Variants in GBE1 observed in about 807,000 individuals in gnomAD.
The protein encoded by GBE1 is 1,4-alpha-glucan-branching enzyme.
A neutral mutation model predicts 88.8 loss-of-function variants in GBE1; 70 were observed. The ratio of observed to expected loss-of-function variants is 0.79; its 90% CI spans 0.65 to 0.96. GBE1 has a LOEUF of 0.96. Among genes scored for constraint, GBE1 ranks in the 40% least tolerant of loss-of-function variants. The pLI is 0.00. For missense variants in GBE1, 872 were observed against 871.0 expected (o/e 1.00, Z -0.01); for synonymous variants, 284 against 300.1 (o/e 0.95, Z 0.56).
chr3:81,752,596 A>G (rs1706545144), intron 1 of GBE1, among the ~76,000 whole-genome samples: 1 of 152,200 alleles, frequency 6.6e-6, no homozygotes, highest in South Asian at 2.1e-4. Flanking sequence ...CCCAGGACTC[A>G]TCTTGCCTTC....
At chr3:81,707,193 T>C (rs1705789794) in intron 1 of GBE1, among the ~76,000 whole-genome samples, 1 of 151,764 alleles carries the variant, frequency 6.6e-6, no homozygotes, top group South Asian at 2.1e-4. Flanking sequence ...CAACTGAAAT[T>C]CAAAAGATAA....
At chr3:81,540,947 C>G (rs1703135809) in intron 12 of GBE1, among the ~76,000 whole-genome samples, 1 of 151,952 alleles carries the variant, frequency 6.6e-6, no homozygotes, top group South Asian at 2.1e-4. Context: ...ATTTTAGGCA[C>G]TATCTAAAAG....
At chr3:81,564,449 G>A (rs539083248) in intron 12 of GBE1, among the ~76,000 whole-genome samples, 37 of 152,182 alleles carry the variant, frequency 2.4e-4, no homozygotes, top group East Asian at 3.9e-4. Flanking sequence ...CAGTATTTCC[G>A]GGGCATCCTA....
rs1422638585 is a variant in GBE1 at position 81,761,630 on chromosome 3, G to A, written c.-113C>T. The A allele has an allele frequency of 2.2e-6, 3 of 1,357,436 alleles. No homozygotes were observed. Among genetic ancestry groups the A allele is most frequent in the Non-Finnish European group, 3.0e-6 (3 of 1,014,394 alleles). The allele number at this position is 1,357,436 out of a possible 1,614,324, so 84.1% of individuals were successfully genotyped here. A position where few individuals can be genotyped will look rare whatever the true frequency, so the allele number is the denominator to read the frequency against. ...GGGCGGAGCCGGAGGGCGCCTAGGCGTGTCGAGGCAAGCCGAGGCGAGCCG... is the reference window on the plus strand; with the variant it reads ...GGGCGGAGCCGGAGGGCGCCTAGGCATGTCGAGGCAAGCCGAGGCGAGCCG... On this transcript the variant is annotated 5_prime_UTR_variant, in exon 1 of 16. In the 5' UTR this introduces an upstream ATG that the reference lacks. Transcript: ENST00000429644.
At chr3:81,700,327 C>T (rs186231494) in intron 2 of GBE1, among the ~76,000 whole-genome samples, 9 of 152,214 alleles carry the variant, frequency 5.9e-5, no homozygotes, top group African/African-American at 2.2e-4. Flanking sequence ...CGCTAATTTT[C>T]GTATCAGTGT....
rs1553689272 is a variant in GBE1 at position 81,657,144 on chromosome 3, A to AC, written c.430-7224_430-7223insG. ...GCACTCCAGCCGTCTCAAAAAAAAA[A>AC]AAAACAAAACAAAAAAAAACAATAA... On this transcript the variant is annotated intron_variant, in intron 3 of 15. Transcript: ENST00000429644. Among the ~76,000 whole-genome samples, 228 of 151,356 alleles carry AC rather than the reference A, an allele frequency of 1.5e-3. 3 individuals are homozygous for AC. Among genetic ancestry groups the AC allele is most frequent in the African/African-American group, 4.9e-3 (203 of 41,086 alleles).
intron 4 of GBE1, 117 bp downstream of exon 4, chr3:81,649,679 A>C (rs1704817147): frequency 1.3e-6 from 1 of 749,250 alleles, no homozygotes; most frequent in Admixed American, 3.1e-5. Flanking sequence ...ATGATGTAAA[A>C]TACGCAACTG....
At chr3:81,741,744 A>G (rs1706351188) in intron 1 of GBE1, among the ~76,000 whole-genome samples, 1 of 150,186 alleles carries the variant, frequency 6.7e-6, no homozygotes, top group Non-Finnish European at 1.5e-5. Context: ...ATGATATATA[A>G]AAAGTATAAT....
intron 7 of GBE1, among the ~76,000 whole-genome samples, chr3:81,629,925 T>A (rs1704483104): frequency 1.3e-5 from 2 of 150,980 alleles, no homozygotes; most frequent in South Asian, 4.2e-4. Flanking sequence ...GTCCATGTGT[T>A]CTCATTGTTC....
rs1380260597 is a variant in GBE1, at chr3:81,547,760, G to T, written c.1619-10665C>A. ...TGATTAATGGGAAAAAAGGATCTGT[G>T]AGGCTAATCTTAAGCTGTAGCAAAT... On this transcript the variant is annotated intron_variant, in intron 12 of 15. Transcript: ENST00000429644. Among the ~76,000 whole-genome samples the T allele has an allele frequency of 1.3e-5, 2 of 151,116 alleles. 1 individual carries two copies. Among genetic ancestry groups the T allele is most frequent in the African/African-American group, 4.8e-5 (2 of 41,274 alleles).
At chr3:81,698,738 T>C (rs1705641292) in intron 2 of GBE1, among the ~76,000 whole-genome samples, 1 of 152,180 alleles carries the variant, frequency 6.6e-6, no homozygotes, top group African/African-American at 2.4e-5. Context: ...TAGTAGACTA[T>C]AGTCTACTAC....
At chr3:81,716,393 T>C (rs1705938120) in intron 1 of GBE1, among the ~76,000 whole-genome samples, 1 of 152,212 alleles carries the variant, frequency 6.6e-6, no homozygotes, top group African/African-American at 2.4e-5. Flanking sequence ...AAATAGCGGC[T>C]ATTATTTGTT....
At position 81,593,370 on chromosome 3, in the gene GBE1, CAATAAT is replaced by C. The variant is rs6147919; in HGVS notation, c.1108+532_1108+537del. On this transcript the variant is annotated intron_variant, in intron 8 of 15. Transcript: ENST00000429644. ...ACAGAACAAGACTCTGTCTCAAGAA[CAATAAT>C]AATAATAATAATAATAATAATAATT... 1.8e-3 allele frequency among the ~76,000 whole-genome samples: 254 copies of C among 144,088 alleles called. 3 individuals carry two copies. The Middle Eastern group carries it at 0.018, about 10-fold the overall frequency. The allele number at this position is 144,088 out of a possible 152,430, so 94.5% of individuals were successfully genotyped here.
intron 7 of GBE1, among the ~76,000 whole-genome samples, chr3:81,640,338 G>T (rs765508373): frequency 6.6e-6 from 1 of 152,022 alleles, no homozygotes; most frequent in Non-Finnish European, 1.5e-5. Flanking sequence ...GAGGAATGTG[G>T]AAAAACTAGA....
chr3:81,625,156 A>G (rs1161245984), intron 7 of GBE1, among the ~76,000 whole-genome samples: 1 of 151,946 alleles, frequency 6.6e-6, no homozygotes, highest in Non-Finnish European at 1.5e-5. Context: ...AAACACAGAA[A>G]CCAAGAATAG....
At position 81,499,227 on chromosome 3, in the gene GBE1, T is replaced by C. The variant is rs756753229; in HGVS notation, c.1935A>G (p.Lys645=). The change falls in exon 15 of 16, where the codon AAA becomes AAG. Residue 645 remains lysine (K), a splice_region_variant and synonymous_variant. Coordinates refer to ENST00000429644, the MANE Select transcript of GBE1 (RefSeq NM_000158.4). Reference sequence around the variant, plus strand: ...CATCTGAATCTAGCACAATTTTGAATGTACAGCTCTTAAGGAATTCACAAC... The same window carrying C: ...CATCTGAATCTAGCACAATTTTGAACGTACAGCTCTTAAGGAATTCACAAC... ...DYRVGTALPG[K]FKIVLDSDAA... is the part of the protein sequence containing the mutation. The C allele has an allele frequency of 1.3e-6, 2 of 1,561,298 alleles. No homozygotes were observed. The highest frequency in any genetic ancestry group is 2.2e-5 in the East Asian group (1 of 44,462).
At chr3:81,576,429 T>G (rs751659340) in intron 12 of GBE1, among the ~76,000 whole-genome samples, 2 of 152,190 alleles carry the variant, frequency 1.3e-5, no homozygotes, top group East Asian at 3.8e-4. Flanking sequence ...CTTTTGTACA[T>G]GAAATAAAGC....
chr3:81,737,273 T>A (rs1267911409), intron 1 of GBE1, among the ~76,000 whole-genome samples: 1 of 142,922 alleles, frequency 7.0e-6, no homozygotes, highest in African/African-American at 2.6e-5. Flanking sequence ...ATATATATAT[T>A]CATGTACTTC....
At chr3:81,622,745 C>A (rs1169173760) in intron 7 of GBE1, among the ~76,000 whole-genome samples, 1 of 152,154 alleles carries the variant, frequency 6.6e-6, no homozygotes, top group Non-Finnish European at 1.5e-5. Context: ...TGACAGAAGT[C>A]CCATTTTCAG....
Sources: allele counts gnomAD v4.1 joint callset (sites outside exome capture counted in the v4.1 genomes callset), GRCh38; gene constraint gnomAD v4.1.1; transcripts MANE v1.5; gene names NCBI Gene and HGNC (gene_info 2026-07-23, HGNC 2026-07-21).